Variants in HTR3B observed in about 807,000 individuals in gnomAD.
HTR3B encodes 5-hydroxytryptamine receptor 3B, also known as 5-hydroxytryptamine (serotonin) receptor 3B, ionotropic.
A neutral mutation model predicts 42.8 loss-of-function variants in HTR3B; 44 were observed. The ratio of observed to expected loss-of-function variants is 1.03; its 90% CI spans 0.81 to 1.32. The LOEUF is 1.32. Ranked by LOEUF, HTR3B falls within the 40% of genes most tolerant of loss-of-function variation. HTR3B has a pLI of 0.00. For missense variants in HTR3B, 527 were observed against 536.5 expected, an observed-to-expected ratio of 0.98 and a Z score of 0.17; for synonymous variants, 203 against 209.0, an observed-to-expected ratio of 0.97 and a Z score of 0.25.
intron 4 of HTR3B, 88 bp from the exon 5 acceptor site, chr11:113,932,201 C>T: frequency 9.1e-7 from 1 of 1,094,992 alleles, no homozygotes; most frequent in East Asian, 2.4e-5. Flanking sequence ...TCCTGGACCT[C>T]ATGGTCACTA....
intron 2 of HTR3B, among the ~76,000 whole-genome samples, chr11:113,918,487 T>C (rs575331433): frequency 5.9e-5 from 9 of 152,280 alleles, no homozygotes; most frequent in Admixed American, 2.6e-4. Context: ...AAGAATATTA[T>C]ATAAATGGAA....
chr11:113,928,220 T>A (rs906759586), intron 2 of HTR3B, among the ~76,000 whole-genome samples: 3 of 152,198 alleles, frequency 2.0e-5, no homozygotes, highest in Admixed American at 6.5e-5. Context: ...ATCTCATTCT[T>A]TTTTTTATGG....
intron 7 of HTR3B, among the ~76,000 whole-genome samples, chr11:113,944,022 CTTTT>C (rs368033697): frequency 2.2e-5 from 3 of 133,982 alleles, no homozygotes; most frequent in Non-Finnish European, 3.2e-5. Context: ...GTCTCTCTCT[CTTTT>C]TTTTTTTTTT....
chr11:113,917,504 T>C (rs1371554804), intron 2 of HTR3B, among the ~76,000 whole-genome samples: 2 of 152,210 alleles, frequency 1.3e-5, no homozygotes, highest in South Asian at 2.1e-4. Flanking sequence ...TCTCCAGTTA[T>C]GATTGTTGTT....
intron 6 of HTR3B, among the ~76,000 whole-genome samples, chr11:113,940,692 C>T (rs1007748847): frequency 4.6e-5 from 7 of 152,210 alleles, no homozygotes; most frequent in Admixed American, 1.3e-4. Flanking sequence ...TCCACAGAGT[C>T]GGGATGTGCT....
chr11:113,906,493 G>A (rs1363735327), intron 1 of HTR3B, among the ~76,000 whole-genome samples: 1 of 152,114 alleles, frequency 6.6e-6, no homozygotes, highest in African/African-American at 2.4e-5. Flanking sequence ...AAATTGTAAG[G>A]TGAAATGCAA....
intron 2 of HTR3B, among the ~76,000 whole-genome samples, chr11:113,922,072 C>T (rs1949921465): frequency 6.6e-6 from 1 of 152,140 alleles, no homozygotes; most frequent in South Asian, 2.1e-4. Context: ...ATTTCCCCTA[C>T]CAAATGTCTT....
At chr11:113,917,844 A>G (rs1949871987) in intron 2 of HTR3B, among the ~76,000 whole-genome samples, 1 of 152,146 alleles carries the variant, frequency 6.6e-6, no homozygotes, top group South Asian at 2.1e-4. Flanking sequence ...AGCTTAAGCA[A>G]TCTGCCCACC....
chr11:113,919,746 T>C (rs1949893685), intron 2 of HTR3B, among the ~76,000 whole-genome samples: 1 of 151,894 alleles, frequency 6.6e-6, no homozygotes, highest in Admixed American at 6.6e-5. Flanking sequence ...GAGAATTGCT[T>C]GAACCTGGGA....
At chr11:113,908,465 C>G (rs536731973) in intron 1 of HTR3B, among the ~76,000 whole-genome samples, 42 of 152,328 alleles carry the variant, frequency 2.8e-4, no homozygotes, top group Non-Finnish European at 4.9e-4. Context: ...GGTCCAATGA[C>G]TGAGTGAAGC....
At chr11:113,909,984 C>CAAAAA (rs1178070726) in intron 2 of HTR3B, among the ~76,000 whole-genome samples, 1 of 39,000 alleles carries the variant, frequency 2.6e-5, no homozygotes, top group Non-Finnish European at 4.9e-5. Flanking sequence ...ACCTTGTCTC[C>CAAAAA]AAAAAAAAAA....
chr11:113,927,711 T>A (rs776924592), intron 2 of HTR3B, among the ~76,000 whole-genome samples: 1 of 151,928 alleles, frequency 6.6e-6, no homozygotes, highest in Non-Finnish European at 1.5e-5. Context: ...GACAGGCACG[T>A]GCCACTAAGC....
chr11:113,908,236 G>A (rs1387950345), intron 1 of HTR3B, among the ~76,000 whole-genome samples: 2 of 152,172 alleles, frequency 1.3e-5, no homozygotes, highest in East Asian at 1.9e-4. Context: ...TGCCTGTAGC[G>A]GCAAGTGACA....
chr11:113,905,076 C>T, intron 1 of HTR3B, 91 bp downstream of exon 1: 1 of 854,358 alleles, frequency 1.2e-6, no homozygotes, highest in Non-Finnish European at 1.9e-6. Context: ...TAGGACTTCT[C>T]AGGCATGTTT....
chr11:113,945,713 T>A (rs1950171473), intron 8 of HTR3B, among the ~76,000 whole-genome samples, 189 bp from the exon 9 acceptor site: 1 of 152,202 alleles, frequency 6.6e-6, no homozygotes, highest in African/African-American at 2.4e-5. Context: ...TGACGTGTTC[T>A]CTGAGGCTTC....
At chr11:113,926,448 TTTTCC>T (rs1174580069) in intron 2 of HTR3B, among the ~76,000 whole-genome samples, 23 of 135,240 alleles carry the variant, frequency 1.7e-4, no homozygotes, top group Non-Finnish European at 2.4e-4. Context: ...ATCAGACTGC[TTTTCC>T]TTTCCTTTCC....
intron 2 of HTR3B, among the ~76,000 whole-genome samples, chr11:113,921,534 G>T (rs562518303): frequency 9.2e-5 from 14 of 151,450 alleles, no homozygotes; most frequent in Non-Finnish European, 2.1e-4. Context: ...CAGGAGAATC[G>T]CTTGGACCCA....
At chr11:113,914,161 A>C (rs1482703835) in intron 2 of HTR3B, among the ~76,000 whole-genome samples, 2 of 152,156 alleles carry the variant, frequency 1.3e-5, no homozygotes, top group Non-Finnish European at 2.9e-5. Flanking sequence ...AGATTTAAAA[A>C]ATGTTTTAAA....
rs1175449417 is a variant in HTR3B at position 113,932,399 on chromosome 11, A to G, written c.479A>G (p.Tyr160Cys). 3.1e-6 allele frequency: 5 copies of G among 1,614,004 alleles called. No homozygotes were observed. The highest frequency in any genetic ancestry group is 4.5e-5 in the East Asian group (2 of 44,896). Residue 160 changes from tyrosine to cysteine, a missense_variant, in exon 5 of 9, where the codon TAT (tyrosine) becomes TGT (cysteine). Physicochemically the swap from Tyr to Cys is radical, Grantham distance 194. Coordinates refer to ENST00000260191, the MANE Select transcript of HTR3B (RefSeq NM_006028.5). ...QVVSACSLET[Y>C]AFPFDVQNCS... ...GTCTCTGCGTGCAGTTTAGAGACAT[A>G]TGCTTTTCCATTTGATGTCCAGAAT...
Sources: gnomAD v4.1 joint callset for allele counts (sites outside exome capture counted in the v4.1 genomes callset) on GRCh38, gnomAD v4.1.1 for gene constraint, MANE v1.5 for transcripts, NCBI Gene and HGNC (gene_info 2026-07-23, HGNC 2026-07-21) for gene names.